The following RPTOR variants were observed in gnomAD, a reference collection of about 807,000 sequenced individuals.
RPTOR encodes regulatory associated protein of MTOR complex 1.
RPTOR carries 21 observed loss-of-function variants against 169.9 expected under a neutral mutation model. The ratio of observed to expected loss-of-function variants is 0.12; its 90% CI spans 0.09 to 0.18. The LOEUF is 0.18. Among genes scored for constraint, RPTOR ranks in the 10% least tolerant of loss-of-function variants. RPTOR has a pLI of 1.00. For missense variants in RPTOR, 1,133 were observed against 1,855.9 expected (o/e 0.61, Z 7.16); for synonymous variants, 732 against 753.2 (o/e 0.97, Z 0.46).
At chr17:80,747,423 C>T (rs929824657) in intron 5 of RPTOR, among the ~76,000 whole-genome samples, 3 of 152,166 alleles carry the variant, frequency 2.0e-5, no homozygotes. Flanking sequence ...AGCCAGAGGG[C>T]ATGTCTTCTT....
chr17:80,581,382 G>C (rs917354202), intron 1 of RPTOR, among the ~76,000 whole-genome samples: 2 of 152,240 alleles, frequency 1.3e-5, no homozygotes, highest in Admixed American at 6.5e-5. Flanking sequence ...CTGTGTATGT[G>C]GTGGCCTTAA....
At chr17:80,601,517 T>C (rs992530441) in intron 1 of RPTOR, among the ~76,000 whole-genome samples, 3 of 151,646 alleles carry the variant, frequency 2.0e-5, no homozygotes, top group Admixed American at 2.0e-4. Context: ...TGGCAGATTA[T>C]TTTATGGTTT....
intron 6 of RPTOR, among the ~76,000 whole-genome samples, chr17:80,761,234 G>C (rs954237301): frequency 2.0e-5 from 3 of 152,160 alleles, no homozygotes; most frequent in Non-Finnish European, 4.4e-5. Context: ...AACCCAGTGG[G>C]ACTTCATTTG....
chr17:80,879,400 C>A (rs1241719825), intron 13 of RPTOR, among the ~76,000 whole-genome samples: 1 of 148,124 alleles, frequency 6.8e-6, no homozygotes, highest in African/African-American at 2.5e-5. Flanking sequence ...CCTGCCCCCG[C>A]CTGCCCTGCC....
At chr17:80,631,637 G>C (rs2065443182) in intron 2 of RPTOR, among the ~76,000 whole-genome samples, 1 of 151,204 alleles carries the variant, frequency 6.6e-6, no homozygotes, top group Non-Finnish European at 1.5e-5. Context: ...GATAGGATTG[G>C]AGCCACTCTT....
chr17:80,831,945 C>A (rs2067510313), intron 9 of RPTOR, among the ~76,000 whole-genome samples: 1 of 152,222 alleles, frequency 6.6e-6, no homozygotes, highest in Non-Finnish European at 1.5e-5. Context: ...TACCATGTTG[C>A]AGATTTAGGG....
intron 1 of RPTOR, chr17:80,602,903 G>T: frequency 2.2e-6 from 1 of 462,986 alleles, no homozygotes; most frequent in Non-Finnish European, 4.0e-6. Context: ...TTTTCTTCTC[G>T]CCATCCTTTT....
intron 6 of RPTOR, among the ~76,000 whole-genome samples, chr17:80,780,689 C>T (rs2066932852): frequency 6.6e-6 from 1 of 152,180 alleles, no homozygotes; most frequent in Non-Finnish European, 1.5e-5. Flanking sequence ...GCACACACGT[C>T]AGGTGAGTCG....
At chr17:80,742,943 TAC>T (rs138446030) in intron 5 of RPTOR, among the ~76,000 whole-genome samples, 37 of 150,888 alleles carry the variant, frequency 2.5e-4, no homozygotes, top group Non-Finnish European at 3.4e-4. Flanking sequence ...CACTCACCTA[TAC>T]ACACACACAC....
At chr17:80,834,405 G>A (rs539433841) in intron 9 of RPTOR, among the ~76,000 whole-genome samples, 9 of 152,294 alleles carry the variant, frequency 5.9e-5, no homozygotes, top group Non-Finnish European at 1.2e-4. Flanking sequence ...AGCAGCCTCC[G>A]TGCATCGTCT....
intron 1 of RPTOR, among the ~76,000 whole-genome samples, chr17:80,617,462 G>C (rs1320435953): frequency 1.3e-5 from 2 of 152,158 alleles, no homozygotes; most frequent in Non-Finnish European, 2.9e-5. Context: ...ATGTAACACT[G>C]TTTAATATAC....
At chr17:80,747,132 G>T (rs144071469) in intron 5 of RPTOR, among the ~76,000 whole-genome samples, 1 of 152,294 alleles carries the variant, frequency 6.6e-6, no homozygotes, top group East Asian at 1.9e-4. Context: ...GAGGTGAATC[G>T]CTTGAACCTG....
At chr17:80,793,090 C>A (rs946071236) in intron 7 of RPTOR, among the ~76,000 whole-genome samples, 3 of 152,132 alleles carry the variant, frequency 2.0e-5, no homozygotes, top group African/African-American at 7.2e-5. Context: ...GGATTACAGG[C>A]GTGAGTGATT....
At position 80,959,197 on chromosome 17, in the gene RPTOR, C is replaced by CA. The variant is rs1476339346; in HGVS notation, c.3478-880dup. Among the ~76,000 whole-genome samples, 1 of 152,248 alleles carries CA rather than the reference C, an allele frequency of 6.6e-6. No individual in the cohort carries two copies. Among genetic ancestry groups the CA allele is most frequent in the African/African-American group, 2.4e-5 (1 of 41,466 alleles). Reference sequence around the variant, plus strand: ...GACCGTGGATCCCTCGAGGCACCAGCAGCTTTCATGGCACCTTCTTTGGGG... The same window carrying CA: ...GACCGTGGATCCCTCGAGGCACCAGCAAGCTTTCATGGCACCTTCTTTGGGG... On this transcript the variant is annotated intron_variant, in intron 29 of 33. Coordinates refer to ENST00000306801, the MANE Select transcript of RPTOR (RefSeq NM_020761.3). The surrounding 1 kb of genome is among the most constrained non-coding windows in gnomAD (Gnocchi z 6.7).
At chr17:80,942,767 C>T (rs896317561) in intron 25 of RPTOR, among the ~76,000 whole-genome samples, 2 of 152,230 alleles carry the variant, frequency 1.3e-5, no homozygotes, top group African/African-American at 4.8e-5. Flanking sequence ...CCCTGTGTCA[C>T]GCAGGCCCCT....
In RPTOR at chr17:80,545,588, G is replaced by T; in HGVS notation, c.-42G>T. 1 of 1,505,348 alleles carries T rather than the reference G, an allele frequency of 6.6e-7. No individual in the cohort carries two copies. The highest frequency in any genetic ancestry group is 1.2e-5 in the South Asian group (1 of 83,262). The allele number at this position is 1,505,348 out of a possible 1,614,324, so 93.2% of individuals were successfully genotyped here. ...CTAGTTTTTAAGGCTGGAGGTTCTC[G>T]AGCGCTTGCTGCCAAGGACTCCCCC... On this transcript the variant is annotated 5_prime_UTR_variant, in exon 1 of 34. Transcript: ENST00000306801.
At chr17:80,728,184 GT>G (rs2143192933) in intron 4 of RPTOR, among the ~76,000 whole-genome samples, 1 of 152,180 alleles carries the variant, frequency 6.6e-6, no homozygotes, top group East Asian at 1.9e-4. Flanking sequence ...GTTTGTTTTC[GT>G]TTTGTCCCTT....
At chr17:80,553,966 T>G (rs1408804270) in intron 1 of RPTOR, among the ~76,000 whole-genome samples, 2 of 152,164 alleles carry the variant, frequency 1.3e-5, no homozygotes, top group African/African-American at 4.8e-5. Context: ...GGTCTCGAAC[T>G]CCTGACTTCA....
At chr17:80,921,435 G>A (rs1439376653) in intron 21 of RPTOR, among the ~76,000 whole-genome samples, 1 of 152,202 alleles carries the variant, frequency 6.6e-6, no homozygotes, top group Non-Finnish European at 1.5e-5. Flanking sequence ...ACTGAGCAGT[G>A]TACTCAGAAC....
Sources: allele counts gnomAD v4.1 joint callset (sites outside exome capture counted in the v4.1 genomes callset), GRCh38; gene constraint gnomAD v4.1.1; non-coding constraint Gnocchi (gnomAD v3.1); transcripts MANE v1.5; gene names NCBI Gene and HGNC (gene_info 2026-07-23, HGNC 2026-07-21).